The following HTR6 variants were observed in gnomAD, a reference collection of about 807,000 sequenced individuals.
HTR6 encodes the protein 5-hydroxytryptamine receptor 6.
Under a neutral mutation model 17.4 loss-of-function variants are expected in HTR6, and 15 were observed. That is an observed-to-expected ratio of 0.86 (90% confidence interval 0.58 to 1.33). HTR6 has a LOEUF of 1.33. Ranked by LOEUF, HTR6 falls within the 40% of genes most tolerant of loss-of-function variation. HTR6 has a pLI of 0.00. For missense variants in HTR6, 578 were observed against 616.0 expected, an observed-to-expected ratio of 0.94 and a Z score of 0.65; for synonymous variants, 326 against 295.5, an observed-to-expected ratio of 1.10 and a Z score of -1.06.
intron 1 of HTR6, among the ~76,000 whole-genome samples, chr1:19,667,483 T>C (rs563505516): frequency 6.6e-6 from 1 of 152,238 alleles, no homozygotes; most frequent in South Asian, 2.1e-4. Context: ...TGGTGCGATC[T>C]TGGCTCACTG....
At chr1:19,676,983 A>G (rs2095095216) in intron 1 of HTR6, among the ~76,000 whole-genome samples, 1 of 152,228 alleles carries the variant, frequency 6.6e-6, no homozygotes, top group Middle Eastern at 3.2e-3. Context: ...AATAGTAAAT[A>G]GAGGTGGGCC....
chr1:19,673,091 T>A (rs749312446), intron 1 of HTR6, among the ~76,000 whole-genome samples: 19 of 152,186 alleles, frequency 1.2e-4, no homozygotes, highest in Non-Finnish European at 2.1e-4. Flanking sequence ...ATCACTGCTG[T>A]CACCAGCACC....
chr1:19,679,270 C>T lies in HTR6; in HGVS notation c.1225C>T (p.Pro409Ser), dbSNP rs1352545345. The change falls in exon 3 of 3, where the codon CCG becomes TCG. Residue 409 changes from proline to serine, a missense_variant. Transcript: ENST00000289753. This position sits in a 1 kb window ranked among gnomAD's most constrained non-coding sequence, Gnocchi z 4.9. ...LLPGEATQDPPLPTRAAAAVN... is the reference protein window; with the variant it reads ...LLPGEATQDPSLPTRAAAAVN... ...TCCTGGCGAGGCCACCCAGGACCCCCCGCTGCCCACCAGGGCCGCTGCCGC... is the reference window on the plus strand; with the variant it reads ...TCCTGGCGAGGCCACCCAGGACCCCTCGCTGCCCACCAGGGCCGCTGCCGC... 13 of 1,603,710 alleles carry T rather than the reference C, an allele frequency of 8.1e-6. No individual in the cohort carries two copies. Among genetic ancestry groups the T allele is most frequent in the Non-Finnish European group, 1.0e-5 (12 of 1,176,920 alleles).
chr1:19,678,609 A>G lies in HTR6; in HGVS notation c.757A>G (p.Arg253Gly), dbSNP rs199506394. The change falls in exon 2 of 3, where the codon AGG becomes GGG. Residue 253 changes from arginine to glycine, a missense_variant. By Grantham distance (125) the Arg-to-Gly change is moderately radical. Coordinates refer to ENST00000289753, the MANE Select transcript of HTR6 (RefSeq NM_000871.3). The part of the protein sequence containing the change: ...PRPGVESADS[R>G]RLATKHSRKA... ...CCCAGGGGTGGAGTCTGCTGACAGC[A>G]GGCGTCTAGCCACGAAGCACAGCAG... The G allele has an allele frequency of 2.5e-6, 4 of 1,613,246 alleles. No individual in the cohort carries two copies. Among genetic ancestry groups the G allele is most frequent in the Non-Finnish European group, 3.4e-6 (4 of 1,180,002 alleles).
chr1:19,670,233 A>G (rs2095086501), intron 1 of HTR6, among the ~76,000 whole-genome samples: 1 of 150,990 alleles, frequency 6.6e-6, no homozygotes, highest in Non-Finnish European at 1.5e-5. Context: ...TTCTCCCACT[A>G]ATTTCCATCA....
intron 1 of HTR6, among the ~76,000 whole-genome samples, chr1:19,672,973 A>G (rs1410574023): frequency 1.3e-5 from 2 of 152,128 alleles, no homozygotes; most frequent in Non-Finnish European, 2.9e-5. Context: ...ACAGAGCAAG[A>G]CCCCATCTTT....
chr1:19,679,557 C>A lies in HTR6; in HGVS notation c.*189C>A, dbSNP rs1295435512. 3.8e-6 allele frequency: 3 copies of A among 785,974 alleles called. No homozygotes were observed. The highest frequency in any genetic ancestry group is 5.8e-6 in the Non-Finnish European group (3 of 517,554). 48.7% of individuals were successfully genotyped at this position (785,974 alleles called of 1,614,324 possible). A position where few individuals can be genotyped will look rare whatever the true frequency, so the allele number is the denominator to read the frequency against. On this transcript the variant is annotated 3_prime_UTR_variant, in exon 3 of 3. Transcript: ENST00000289753. The surrounding 1 kb of genome is among the most constrained non-coding windows in gnomAD (Gnocchi z 4.9). ...CCTTACCTGCAGGGATCATAGCTGA[C>A]TCAGATATCGTGTTCTGAAGGATGC...
chr1:19,665,715 G>A lies in HTR6; in HGVS notation c.-39G>A. ...CGCCGGGGCCCTCATCTGCTTTCCC[G>A]CCACCCTATCACTCCCTTGCCGTCC... is the stretch of plus-strand genomic sequence containing the variant. On this transcript the variant is annotated 5_prime_UTR_variant, in exon 1 of 3. Coordinates refer to ENST00000289753, the MANE Select transcript of HTR6 (RefSeq NM_000871.3). The surrounding 1 kb of genome is among the most constrained non-coding windows in gnomAD (Gnocchi z 4.2). The A allele has an allele frequency of 7.5e-7, 1 of 1,339,580 alleles. No individual in the cohort carries two copies. The highest frequency in any genetic ancestry group is 1.0e-6 in the Non-Finnish European group (1 of 1,001,854). 83.0% of individuals were successfully genotyped at this position (1,339,580 alleles called of 1,614,324 possible). A position where few individuals can be genotyped will look rare whatever the true frequency, so the allele number is the denominator to read the frequency against.
At chr1:19,670,624 G>A (rs1557427955) in intron 1 of HTR6, among the ~76,000 whole-genome samples, 2 of 151,860 alleles carry the variant, frequency 1.3e-5, no homozygotes, top group African/African-American at 4.8e-5. Flanking sequence ...TCGCCACACC[G>A]GGCTAATTTT....
intron 1 of HTR6, among the ~76,000 whole-genome samples, chr1:19,675,330 C>A (rs948022158): frequency 6.6e-6 from 1 of 152,000 alleles, no homozygotes; most frequent in African/African-American, 2.4e-5. Flanking sequence ...AGTAAGTGCT[C>A]GAGAAATGGG....
In HTR6 at chr1:19,666,398, C is replaced by G. The variant is rs1366349841; in HGVS notation, c.645C>G (p.Ala215=). The G allele has an allele frequency of 6.2e-7, 1 of 1,613,734 alleles. No individual in the cohort carries two copies. The highest frequency in any genetic ancestry group is 1.7e-5 in the Admixed American group (1 of 60,026). ...CCTACTGCAGGATCCTGCTAGCTGC[C>G]CGCAAGCAGGCCGTGCAGGTGGCCT... ...CFTYCRILLA[A]RKQAVQVASL... is the part of the protein sequence containing the mutation. Residue 215 remains alanine, a synonymous_variant, in exon 1 of 3, where the codon GCC becomes GCG. Coordinates refer to ENST00000289753, the MANE Select transcript of HTR6 (RefSeq NM_000871.3). The surrounding 1 kb of genome is among the most constrained non-coding windows in gnomAD (Gnocchi z 4.5).
In HTR6 at chr1:19,678,591, G is replaced by C; in HGVS notation, c.739G>C (p.Val247Leu). 6.2e-7 allele frequency: 1 copy of C among 1,612,770 alleles called. No homozygotes were observed. The highest frequency in any genetic ancestry group is 1.1e-5 in the South Asian group (1 of 91,016). ...LQVPRTPRPG[V>L]ESADSRRLAT... Reference sequence around the variant, plus strand: ...GGTGCCCAGGACCCCACGCCCAGGGGTGGAGTCTGCTGACAGCAGGCGTCT... The same window carrying C: ...GGTGCCCAGGACCCCACGCCCAGGGCTGGAGTCTGCTGACAGCAGGCGTCT... The change falls in exon 2 of 3, where the codon GTG becomes CTG. Residue 247 changes from valine to leucine, a missense_variant. Transcript: ENST00000289753.
In HTR6 at chr1:19,666,248, C is replaced by G. The variant is rs1258051042; in HGVS notation, c.495C>G (p.Gly165=). Residue 165 remains glycine, a synonymous_variant, in exon 1 of 3, where the codon GGC becomes GGG. Coordinates refer to ENST00000289753, the MANE Select transcript of HTR6 (RefSeq NM_000871.3). The surrounding 1 kb of genome is among the most constrained non-coding windows in gnomAD (Gnocchi z 4.5). ...ALASFLPLLL[G]WHELGHARPP... ...CCTCCTTCCTGCCCCTGCTGCTGGGCTGGCACGAGCTGGGCCACGCACGGC... is the reference window on the plus strand; with the variant it reads ...CCTCCTTCCTGCCCCTGCTGCTGGGGTGGCACGAGCTGGGCCACGCACGGC... 3 of 1,609,114 alleles carry G rather than the reference C, an allele frequency of 1.9e-6. No individual in the cohort carries two copies. The highest frequency in any genetic ancestry group is 2.7e-5 in the African/African-American group (2 of 75,038).
At chr1:19,678,033 C>T (rs2095096441) in intron 1 of HTR6, among the ~76,000 whole-genome samples, 1 of 152,190 alleles carries the variant, frequency 6.6e-6, no homozygotes, top group South Asian at 2.1e-4. Context: ...AGCCACTGTG[C>T]CCAGTCAATT....
At chr1:19,678,791 G>C (rs1003443679) in intron 2 of HTR6, 66 bp downstream of exon 2, 1 of 1,571,610 alleles carries the variant, frequency 6.4e-7, no homozygotes, top group African/African-American at 1.3e-5. Context: ...CCCAGCCCAG[G>C]CATGGGGACA....
In HTR6 at chr1:19,680,038, G is replaced by T. The variant is rs2095099876; in HGVS notation, c.*670G>T. Among the ~76,000 whole-genome samples the T allele has an allele frequency of 6.6e-6, 1 of 152,170 alleles. No homozygotes were observed. The highest frequency in any genetic ancestry group is 1.5e-5 in the Non-Finnish European group (1 of 68,020). On this transcript the variant is annotated 3_prime_UTR_variant, in exon 3 of 3. Coordinates refer to ENST00000289753, the MANE Select transcript of HTR6 (RefSeq NM_000871.3). ...CTGCACCTGGGAGGCAGGCAGGCAT[G>T]CATGTGGGCCTCTGCTCTACCACCT...
intron 1 of HTR6, among the ~76,000 whole-genome samples, chr1:19,670,593 T>A (rs1247215380): frequency 6.6e-6 from 1 of 151,424 alleles, no homozygotes; most frequent in African/African-American, 2.4e-5. Flanking sequence ...GCCTCCGGAG[T>A]AGCTGGGCTA....
rs2095097350 is a variant in HTR6, at chr1:19,678,696, T to C, written c.844T>C (p.Leu282=). 1 of 1,612,524 alleles carries C rather than the reference T, an allele frequency of 6.2e-7. No individual in the cohort carries two copies. The highest frequency in any genetic ancestry group is 8.5e-7 in the Non-Finnish European group (1 of 1,178,750). The change falls in exon 2 of 3, where the codon TTG becomes CTG. Residue 282 remains leucine, a synonymous_variant. Coordinates refer to ENST00000289753, the MANE Select transcript of HTR6 (RefSeq NM_000871.3). ...GCTGGGCATGTTCTTTGTGACCTGG[T>C]TGCCCTTCTTTGTGGCCAACATAGT... ...ILLGMFFVTW[L]PFFVANIVQA...
Position 19,665,855 on chromosome 1 carries a change from C to T in HTR6, c.102C>T (p.Cys34=). The T allele has an allele frequency of 6.3e-7, 1 of 1,591,766 alleles. No individual in the cohort carries two copies. Among genetic ancestry groups the T allele is most frequent in the Non-Finnish European group, 8.5e-7 (1 of 1,169,786 alleles). ...GCGGCTGGGTGGCGGCCGCGCTGTG[C>T]GTGGTCATCGCGCTGACGGCGGCGG... ...GGSGWVAAAL[C]VVIALTAAAN... is the part of the protein sequence containing the mutation. The change falls in exon 1 of 3, where the codon TGC becomes TGT. Residue 34 remains cysteine (C), a synonymous_variant. Coordinates refer to ENST00000289753, the MANE Select transcript of HTR6 (RefSeq NM_000871.3). The surrounding 1 kb of genome is among the most constrained non-coding windows in gnomAD (Gnocchi z 4.2).
Sources: allele counts gnomAD v4.1 joint callset (sites outside exome capture counted in the v4.1 genomes callset), GRCh38; gene constraint gnomAD v4.1.1; non-coding constraint Gnocchi (gnomAD v3.1); transcripts MANE v1.5; gene names NCBI Gene and HGNC (gene_info 2026-07-23, HGNC 2026-07-21).